KHDRBS1: variants seen among roughly 807,000 people sequenced by gnomAD.
KHDRBS1 encodes the protein KH domain-containing, RNA-binding, signal transduction-associated protein 1.
Under a neutral mutation model 48.4 loss-of-function variants are expected in KHDRBS1, and 7 were observed. The ratio of observed to expected loss-of-function variants is 0.14; its 90% CI spans 0.08 to 0.27. The LOEUF is 0.27. Among genes scored for constraint, KHDRBS1 ranks in the 10% least tolerant of loss-of-function variants. The pLI, the probability that KHDRBS1 is intolerant of heterozygous loss-of-function variation, is 1.00. For synonymous variants in KHDRBS1, 241 were observed against 235.8 expected (o/e 1.02, Z -0.20); for missense variants, 458 against 601.2 (o/e 0.76, Z 2.49).
rs745771151 is a variant in KHDRBS1 at position 32,014,343 on chromosome 1, G to C, written c.348G>C (p.Pro116=). ...TGGCCGAGAAGGACTCGCTCGACCC[G>C]TCCTTCACTCACGCCATGCAGCTGC... The part of the protein sequence containing the change: ...ELMAEKDSLD[P]SFTHAMQLLT... Residue 116 remains proline (P), a synonymous_variant, in exon 1 of 9, where the codon CCG becomes CCC. Coordinates refer to ENST00000327300, the MANE Select transcript of KHDRBS1 (RefSeq NM_006559.3). 38 of 1,526,870 alleles carry C rather than the reference G, an allele frequency of 2.5e-5. No individual in the cohort carries two copies. The South Asian group carries it at 4.2e-4, about 17-fold the overall frequency. The allele number at this position is 1,526,870 out of a possible 1,614,324, so 94.6% of individuals were successfully genotyped here. A position where few individuals can be genotyped will look rare whatever the true frequency, so the allele number is the denominator to read the frequency against.
At position 32,038,054 on chromosome 1, in the gene KHDRBS1, T is replaced by G. The variant is rs754601032; in HGVS notation, c.1107+18T>G. 1 of 1,613,036 alleles carries G rather than the reference T, an allele frequency of 6.2e-7. No individual in the cohort carries two copies. The highest frequency in any genetic ancestry group is 1.3e-5 in the African/African-American group (1 of 74,904). On this transcript the variant is annotated intron_variant, in intron 6 of 8. Transcript: ENST00000327300. ...AAGAATATGTAAGAAATTTGAACAA[T>G]GTGCCATTTCCCAGTACCTAGAAGG...
At chr1:32,041,583 C>CTTTTTTT (rs370173805) in intron 8 of KHDRBS1, among the ~76,000 whole-genome samples, 34 of 75,598 alleles carry the variant, frequency 4.5e-4, no homozygotes, top group Non-Finnish European at 6.7e-4. Context: ...AGGAATTATC[C>CTTTTTTT]TTTTTTTTTT....
At chr1:32,041,078 G>T (rs1639275567) in intron 8 of KHDRBS1, among the ~76,000 whole-genome samples, 1 of 152,152 alleles carries the variant, frequency 6.6e-6, no homozygotes. Context: ...AGACCAAACT[G>T]AAAGAGGCAG....
At chr1:32,052,710 T>C (rs1639437476) in intron 10 of KHDRBS1, 1 of 152,062 alleles carries the variant, frequency 6.6e-6, no homozygotes, top group African/African-American at 2.4e-5. Flanking sequence ...TGGTTTCTTT[T>C]CACATCAAGT....
At chr1:32,047,813 A>G (rs1310094086), downstream of KHDRBS1, among the ~76,000 whole-genome samples, 1 of 152,158 alleles carries the variant, frequency 6.6e-6, no homozygotes, top group African/African-American at 2.4e-5. Context: ...GAATATTTCC[A>G]TCACTCTAAA....
intron 4 of KHDRBS1, among the ~76,000 whole-genome samples, chr1:32,036,368 A>G (rs1639183336): frequency 6.6e-6 from 1 of 151,500 alleles, no homozygotes; most frequent in African/African-American, 2.4e-5. Context: ...ATAGCGTTTC[A>G]CCGTGTTAGC....
intron 3 of KHDRBS1, among the ~76,000 whole-genome samples, chr1:32,032,708 T>C (rs1380191860): frequency 6.6e-6 from 1 of 152,124 alleles, no homozygotes; most frequent in African/African-American, 2.4e-5. Flanking sequence ...TTTACTTTTT[T>C]TTTTTTTCTT....
At chr1:32,055,728 C>T (rs1639473262) in intron 10 of KHDRBS1, among the ~76,000 whole-genome samples, 1 of 152,040 alleles carries the variant, frequency 6.6e-6, no homozygotes, top group Non-Finnish European at 1.5e-5. Flanking sequence ...GGAGCACAAG[C>T]CTATGGGGGC....
chr1:32,022,238 C>G (rs544332003), intron 1 of KHDRBS1, among the ~76,000 whole-genome samples: 1 of 150,906 alleles, frequency 6.6e-6, no homozygotes, highest in African/African-American at 2.4e-5. Flanking sequence ...GTCTCGATCT[C>G]CTGCCCACCT....
chr1:32,044,322 A>T (rs191510211), downstream of KHDRBS1, among the ~76,000 whole-genome samples: 12 of 152,246 alleles, frequency 7.9e-5, no homozygotes, highest in African/African-American at 2.9e-4. Context: ...TAGGCATGAC[A>T]GTTCAGCCAA....
chr1:32,020,902 G>A (rs1270508006), intron 1 of KHDRBS1, among the ~76,000 whole-genome samples: 1 of 152,116 alleles, frequency 6.6e-6, no homozygotes, highest in Non-Finnish European at 1.5e-5. Flanking sequence ...TGATTAAATT[G>A]CATAGAACTA....
chr1:32,017,557 G>T (rs146893447), intron 1 of KHDRBS1, among the ~76,000 whole-genome samples: 1 of 146,632 alleles, frequency 6.8e-6, no homozygotes, highest in African/African-American at 2.5e-5. Flanking sequence ...TATTTATATA[G>T]TAAGTAAAAT....
chr1:32,034,044 G>A (rs1468335173), intron 4 of KHDRBS1, among the ~76,000 whole-genome samples: 3 of 152,208 alleles, frequency 2.0e-5, no homozygotes, highest in Non-Finnish European at 4.4e-5. Flanking sequence ...AGGCCTGGTG[G>A]TTGTCAGAGT....
Position 32,015,351 on chromosome 1 carries a change from A to AT in KHDRBS1, c.382+980dup, listed in dbSNP as rs1638719361. On this transcript the variant is annotated intron_variant, in intron 1 of 8. Transcript: ENST00000327300. The stretch of plus-strand genomic sequence containing the variant: ...CTTCTAGTTAAAATATTATTTTAAT[A>AT]TTTTTTATGATACCTAAATTTTACT... Among the ~76,000 whole-genome samples, 5 of 152,148 alleles carry AT rather than the reference A, an allele frequency of 3.3e-5. No individual in the cohort carries two copies. In the South Asian group the frequency reaches 1.0e-3, roughly 32 times the overall value.
chr1:32,024,964 AAAAC>A (rs975854802), intron 1 of KHDRBS1, among the ~76,000 whole-genome samples: 6 of 151,590 alleles, frequency 4.0e-5, no homozygotes, highest in East Asian at 3.9e-4. Context: ...CCATCTCTTT[AAAAC>A]AAACAAAAAA....
At chr1:32,026,086 C>T (rs990052986) in intron 1 of KHDRBS1, among the ~76,000 whole-genome samples, 9 of 151,454 alleles carry the variant, frequency 5.9e-5, no homozygotes, top group African/African-American at 2.2e-4. Context: ...CCAACCAGTC[C>T]TTTGCTTTGT....
At chr1:32,053,284 G>T (rs1430310638) in intron 10 of KHDRBS1, among the ~76,000 whole-genome samples, 3 of 152,216 alleles carry the variant, frequency 2.0e-5, no homozygotes, top group Non-Finnish European at 2.9e-5. Flanking sequence ...GCCAGAGAAA[G>T]GTGATAGCAT....
In KHDRBS1 at chr1:32,033,172, C is replaced by T; in HGVS notation, c.625-16C>T. 1 of 1,610,800 alleles carries T rather than the reference C, an allele frequency of 6.2e-7. No individual in the cohort carries two copies. The highest frequency in any genetic ancestry group is 8.5e-7 in the Non-Finnish European group (1 of 1,177,036). On this transcript the variant is annotated splice_polypyrimidine_tract_variant and intron_variant, in intron 3 of 8. Transcript: ENST00000327300. ...CCCTAGTCCATGGTGTGACATTTCT[C>T]TGCATTTTTCCATAGGAGGAAGAGC... is the stretch of plus-strand genomic sequence containing the variant.
chr1:32,032,192 G>T (rs6662484), intron 3 of KHDRBS1, among the ~76,000 whole-genome samples: 7 of 152,096 alleles, frequency 4.6e-5, no homozygotes, highest in Non-Finnish European at 7.4e-5. Flanking sequence ...AGCCGCGTAC[G>T]CTGTGTACTC....
Sources: gnomAD v4.1 joint callset for allele counts (sites outside exome capture counted in the v4.1 genomes callset) on GRCh38, gnomAD v4.1.1 for gene constraint, MANE v1.5 for transcripts, NCBI Gene and HGNC (gene_info 2026-07-23, HGNC 2026-07-21) for gene names.